The following PEAK1 variants were observed in gnomAD, a reference collection of about 807,000 sequenced individuals.
PEAK1 encodes pseudopodium enriched atypical kinase 1.
A neutral mutation model predicts 124.7 loss-of-function variants in PEAK1; 54 were observed. That is an observed-to-expected ratio of 0.43 (90% confidence interval 0.35 to 0.54). The LOEUF (loss-of-function observed/expected upper bound fraction) is 0.54. PEAK1 is among the 20% of genes least tolerant of loss of function. The pLI is 0.01. For synonymous variants in PEAK1, 719 were observed against 760.0 expected, an observed-to-expected ratio of 0.95 and a Z score of 0.89; for missense variants, 2,046 against 2,134.5, an observed-to-expected ratio of 0.96 and a Z score of 0.82.
At chr15:77,297,961 G>A (rs1346841439) in intron 2 of PEAK1, among the ~76,000 whole-genome samples, 7 of 147,850 alleles carry the variant, frequency 4.7e-5, no homozygotes, top group Non-Finnish European at 8.9e-5. Context: ...GGGAGGCTGA[G>A]GCAGGAGAAT....
intron 5 of PEAK1, among the ~76,000 whole-genome samples, chr15:77,261,599 T>C (rs896637691): frequency 7.2e-5 from 11 of 152,012 alleles, no homozygotes; most frequent in Non-Finnish European, 1.6e-4. Context: ...CCAACAAATA[T>C]AGGACTATGT....
chr15:77,417,131 C>T (rs962258622), intron 1 of PEAK1, among the ~76,000 whole-genome samples: 4 of 152,088 alleles, frequency 2.6e-5, no homozygotes, highest in Non-Finnish European at 5.9e-5. Context: ...TACCCCTCCT[C>T]TGTGCTTCCA....
intron 7 of PEAK1, among the ~76,000 whole-genome samples, chr15:77,169,298 G>C (rs113272370): frequency 1.3e-3 from 193 of 152,324 alleles, no homozygotes; most frequent in African/African-American, 4.5e-3. Flanking sequence ...ATTTACGTAA[G>C]AGTGAGACTG....
intron 6 of PEAK1, among the ~76,000 whole-genome samples, chr15:77,185,661 G>T (rs912860296): frequency 5.3e-5 from 8 of 152,188 alleles, no homozygotes; most frequent in Admixed American, 3.9e-4. Context: ...TAGAGCAATG[G>T]TAGATAACTT....
chr15:77,274,950 T>A (rs2062231697), intron 5 of PEAK1, among the ~76,000 whole-genome samples: 1 of 151,934 alleles, frequency 6.6e-6, no homozygotes, highest in Non-Finnish European at 1.5e-5. Context: ...ATAGAGAAAA[T>A]GTGGCGTATA....
At chr15:77,391,476 C>CAAAAAAAAAAAAAAAA (rs536286745) in intron 1 of PEAK1, among the ~76,000 whole-genome samples, 1 of 68,280 alleles carries the variant, frequency 1.5e-5, no homozygotes, top group East Asian at 7.2e-4. Flanking sequence ...TAACTCATGG[C>CAAAAAAAAAAAAAAAA]AAAAAAAAAA....
intron 2 of PEAK1, among the ~76,000 whole-genome samples, chr15:77,297,551 T>A (rs1246002883): frequency 6.6e-6 from 1 of 151,588 alleles, no homozygotes; most frequent in African/African-American, 2.4e-5. Flanking sequence ...CTAAAACTCT[T>A]TAAAATCTGT....
intron 2 of PEAK1, chr15:77,335,673 T>G: frequency 1.4e-6 from 1 of 734,136 alleles, no homozygotes; most frequent in Non-Finnish European, 1.7e-6. Context: ...AAAGACAGGG[T>G]CTTGCCCAGG....
chr15:77,136,361 G>A (rs2053325307), intron 8 of PEAK1, among the ~76,000 whole-genome samples: 1 of 152,150 alleles, frequency 6.6e-6, no homozygotes, highest in African/African-American at 2.4e-5. Flanking sequence ...AAGGGAAGCA[G>A]AGCATAAAAG....
intron 2 of PEAK1, among the ~76,000 whole-genome samples, chr15:77,301,186 G>T (rs1302977033): frequency 6.6e-6 from 1 of 152,180 alleles, no homozygotes; most frequent in Non-Finnish European, 1.5e-5. Flanking sequence ...GTCTCTAGGG[G>T]TGAATCATTC....
chr15:77,321,908 AC>A (rs770581754), intron 2 of PEAK1, among the ~76,000 whole-genome samples: 2 of 152,210 alleles, frequency 1.3e-5, no homozygotes, highest in Non-Finnish European at 2.9e-5. Flanking sequence ...ATGTAAAAGA[AC>A]AGAAATTATA....
At chr15:77,166,154 A>G (rs768296763) in intron 7 of PEAK1, among the ~76,000 whole-genome samples, 86 of 152,184 alleles carry the variant, frequency 5.7e-4, no homozygotes, top group Non-Finnish European at 3.2e-4. Flanking sequence ...TTTCCAAAAA[A>G]ATTTTCCTTA....
At chr15:77,275,693 G>T (rs62008432) in intron 5 of PEAK1, among the ~76,000 whole-genome samples, 41,093 of 151,494 alleles carry the variant, frequency 0.27, 6,621 homozygotes, top group Middle Eastern at 0.37. Context: ...GGGCGACACA[G>T]TGAGACTCTG....
At chr15:77,154,725 T>C (rs956866597) in intron 8 of PEAK1, among the ~76,000 whole-genome samples, 1 of 151,996 alleles carries the variant, frequency 6.6e-6, no homozygotes, top group African/African-American at 2.4e-5. Flanking sequence ...TAAAGTATTT[T>C]ATTTCTCCTT....
At chr15:77,152,860 G>C (rs1189029681) in intron 8 of PEAK1, among the ~76,000 whole-genome samples, 1 of 152,042 alleles carries the variant, frequency 6.6e-6, no homozygotes, top group Non-Finnish European at 1.5e-5. Flanking sequence ...TGGTGGATAA[G>C]CTTTTTGATG....
Position 77,178,449 on chromosome 15 carries a change from T to C in PEAK1, c.3137+341A>G, listed in dbSNP as rs181668223. The C allele has an allele frequency of 7.6e-4, 235 of 310,366 alleles. 3 individuals carry two copies. The highest frequency in any genetic ancestry group is 4.6e-3 in the African/African-American group (217 of 47,198). 19.2% of individuals were successfully genotyped at this position (310,366 alleles called of 1,614,324 possible). A position where few individuals can be genotyped will look rare whatever the true frequency, so the allele number is the denominator to read the frequency against. On this transcript the variant is annotated intron_variant, in intron 7 of 9. Coordinates refer to ENST00000682557, the MANE Select transcript of PEAK1 (RefSeq NM_001385026.1). ...ACAGTACCACCATTTATTCATTTGA[T>C]CCTGTTTCTTCCTCACACTACCATC... is the stretch of plus-strand genomic sequence containing the variant.
At chr15:77,274,968 T>G (rs1375736695) in intron 5 of PEAK1, among the ~76,000 whole-genome samples, 8 of 152,174 alleles carry the variant, frequency 5.3e-5, no homozygotes, top group Admixed American at 5.2e-4. Context: ...ATATATACCA[T>G]GGAATACTAC....
chr15:77,116,706 ATCTATCTATCTATCT>A (rs2051411736), intron 9 of PEAK1, among the ~76,000 whole-genome samples: 3 of 14,322 alleles, frequency 2.1e-4, no homozygotes, highest in Non-Finnish European at 3.0e-4. Context: ...CAATCAATCT[ATCTATCTATCTATCT>A]ATCTATCTAT....
chr15:77,386,935 A>G (rs1222512041), intron 1 of PEAK1, among the ~76,000 whole-genome samples: 1 of 152,222 alleles, frequency 6.6e-6, no homozygotes, highest in East Asian at 1.9e-4. Context: ...AAAGATCTTT[A>G]AAGAATTTCT....
Sources: gnomAD v4.1 joint callset for allele counts (sites outside exome capture counted in the v4.1 genomes callset) on GRCh38, gnomAD v4.1.1 for gene constraint, MANE v1.5 for transcripts, NCBI Gene and HGNC (gene_info 2026-07-23, HGNC 2026-07-21) for gene names.